Variants in UST observed in about 807,000 individuals in gnomAD.
UST encodes chondroitin sulfate 2-O-sulfotransferase.
A neutral mutation model predicts 45.6 loss-of-function variants in UST; 21 were observed. The observed-to-expected ratio is 0.46, with a 90% CI of 0.33 to 0.66. The LOEUF is 0.66. UST is among the 30% of genes least tolerant of loss of function. UST has a pLI of 0.02. For missense variants in UST, 463 were observed against 512.4 expected (o/e 0.90, Z 0.93); for synonymous variants, 215 against 200.6 (o/e 1.07, Z -0.61).
chr6:148,898,835 C>T (rs1779187594), intron 2 of UST, among the ~76,000 whole-genome samples: 2 of 152,196 alleles, frequency 1.3e-5, no homozygotes, highest in African/African-American at 4.8e-5. Context: ...AGACCAGCCT[C>T]AGTTACAAAA....
At chr6:148,954,071 T>C in intron 4 of UST, 120 bp downstream of exon 4, 1 of 683,456 alleles carries the variant, frequency 1.5e-6, no homozygotes. Context: ...TTAATCCGTT[T>C]ATTTTTGCTA....
At chr6:148,807,163 CCT>C (rs1777166905) in intron 1 of UST, among the ~76,000 whole-genome samples, 1 of 152,160 alleles carries the variant, frequency 6.6e-6, no homozygotes, top group South Asian at 2.1e-4. Context: ...CTAGAAAATA[CCT>C]CTCTTATGAG....
intron 1 of UST, among the ~76,000 whole-genome samples, chr6:148,855,413 G>C (rs576264981): frequency 6.6e-6 from 1 of 152,192 alleles, no homozygotes; most frequent in Non-Finnish European, 1.5e-5. Flanking sequence ...CAGGTAGTGG[G>C]CTGTCTTAGG....
At chr6:148,764,088 A>G (rs555423572) in intron 1 of UST, among the ~76,000 whole-genome samples, 15 of 152,304 alleles carry the variant, frequency 9.8e-5, no homozygotes, top group Admixed American at 2.0e-4. Context: ...TTTGGATAGT[A>G]TGGGCATTTT....
intron 5 of UST, 145 bp from the exon 6 acceptor site, chr6:149,018,994 G>A: frequency 2.8e-6 from 2 of 702,844 alleles, no homozygotes; most frequent in South Asian, 1.8e-5. Context: ...CAAAAAATAA[G>A]TTTTCTCATG....
chr6:148,883,867 C>T (rs1778866539), intron 1 of UST, among the ~76,000 whole-genome samples: 1 of 152,170 alleles, frequency 6.6e-6, no homozygotes, highest in Non-Finnish European at 1.5e-5. Context: ...CGCAGTGGCT[C>T]ACGCCTGTAA....
intron 4 of UST, among the ~76,000 whole-genome samples, chr6:148,955,147 A>G (rs1262298041): frequency 1.3e-5 from 2 of 152,160 alleles, no homozygotes; most frequent in African/African-American, 2.4e-5. Context: ...GCAGGTCCAC[A>G]CGAGAGCACC....
intron 2 of UST, among the ~76,000 whole-genome samples, chr6:148,896,929 G>A (rs1242626238): frequency 1.3e-5 from 2 of 152,118 alleles, no homozygotes; most frequent in African/African-American, 4.8e-5. Flanking sequence ...TTCTAAAAGA[G>A]GATAGTAATG....
chr6:148,994,174 G>A (rs2114995768), intron 5 of UST, among the ~76,000 whole-genome samples: 1 of 152,026 alleles, frequency 6.6e-6, no homozygotes, highest in South Asian at 2.1e-4. Flanking sequence ...GTTTTGCCAT[G>A]TTGGCCAAGC....
At chr6:149,047,776 GTA>G (rs1342334016) in intron 7 of UST, among the ~76,000 whole-genome samples, 4 of 152,024 alleles carry the variant, frequency 2.6e-5, no homozygotes, top group African/African-American at 9.7e-5. Flanking sequence ...ATAATTTAAA[GTA>G]TTTTTTTTTA....
At chr6:148,758,967 C>CAG (rs1776149658) in intron 1 of UST, among the ~76,000 whole-genome samples, 1 of 152,188 alleles carries the variant, frequency 6.6e-6, no homozygotes, top group Non-Finnish European at 1.5e-5. Context: ...AACCGTCAGG[C>CAG]AGAGCCATGC....
At chr6:148,988,985 G>A (rs1192916463) in intron 5 of UST, among the ~76,000 whole-genome samples, 1 of 152,128 alleles carries the variant, frequency 6.6e-6, no homozygotes, top group Admixed American at 6.6e-5. Context: ...TTTACAGCCA[G>A]CACCTGCTCC....
In UST at chr6:148,789,279, A is replaced by G. The variant is rs1776790590; in HGVS notation, c.247+41602A>G. Among the ~76,000 whole-genome samples the G allele has an allele frequency of 2.0e-5, 3 of 152,142 alleles. 1 individual carries two copies. In the South Asian group the frequency reaches 6.2e-4, roughly 32 times the overall value. The stretch of plus-strand genomic sequence containing the variant: ...TCCTCCTCAATGTGTGTTCTGAGTC[A>G]GCAGCATCAGCATCACCTGTGAACT... On this transcript the variant is annotated intron_variant, in intron 1 of 7. Transcript: ENST00000367463.
At chr6:148,923,762 C>T (rs1175577499) in intron 2 of UST, among the ~76,000 whole-genome samples, 1 of 152,046 alleles carries the variant, frequency 6.6e-6, no homozygotes, top group Non-Finnish European at 1.5e-5. Flanking sequence ...AGAATTTTAG[C>T]CCCTCCCCAC....
chr6:148,840,852 C>G (rs1452639528), intron 1 of UST, among the ~76,000 whole-genome samples: 1 of 152,172 alleles, frequency 6.6e-6, no homozygotes, highest in Non-Finnish European at 1.5e-5. Context: ...CAGCTGGACA[C>G]CCGGGTGCTC....
At chr6:148,971,810 A>G (rs1169307456) in intron 5 of UST, among the ~76,000 whole-genome samples, 2 of 152,248 alleles carry the variant, frequency 1.3e-5, no homozygotes, top group Non-Finnish European at 2.9e-5. Flanking sequence ...CAAAAGAGGC[A>G]TGTTTACAGG....
intron 7 of UST, among the ~76,000 whole-genome samples, chr6:149,069,557 G>A (rs541592892): frequency 6.2e-4 from 95 of 152,104 alleles, no homozygotes; most frequent in African/African-American, 2.0e-3. Flanking sequence ...ATGTCTATTC[G>A]GAAGGATATA....
chr6:149,043,015 C>CTTTCTT (rs1554237092), intron 7 of UST, among the ~76,000 whole-genome samples: 9,682 of 119,032 alleles, frequency 0.081, 452 homozygotes, highest in African/African-American at 0.1. Flanking sequence ...TTCTTTCTTT[C>CTTTCTT]TTTCTTTTTC....
At chr6:149,022,684 C>A (rs935585528) in intron 7 of UST, among the ~76,000 whole-genome samples, 1 of 152,316 alleles carries the variant, frequency 6.6e-6, no homozygotes, top group East Asian at 1.9e-4. Flanking sequence ...ACAGGGTTCC[C>A]GAACCCCACC....
Sources: gnomAD v4.1 joint callset for allele counts (sites outside exome capture counted in the v4.1 genomes callset) on GRCh38, gnomAD v4.1.1 for gene constraint, MANE v1.5 for transcripts, NCBI Gene and HGNC (gene_info 2026-07-23, HGNC 2026-07-21) for gene names.